The following SUPT20H variants were observed in gnomAD, a reference collection of about 807,000 sequenced individuals.
The protein encoded by SUPT20H is SPT20 homolog, SAGA complex component.
Under a neutral mutation model 122.8 loss-of-function variants are expected in SUPT20H, and 82 were observed. That is an observed-to-expected ratio of 0.67 (90% CI 0.56 to 0.80). SUPT20H has a LOEUF of 0.80. Among genes scored for constraint, SUPT20H ranks in the 30% least tolerant of loss-of-function variants. SUPT20H has a pLI of 0.00. For missense variants in SUPT20H, 831 were observed against 921.6 expected (o/e 0.90, Z 1.27); for synonymous variants, 291 against 313.0 (o/e 0.93, Z 0.74).
intron 23 of SUPT20H, chr13:37,012,725 G>C (rs1288674275): frequency 6.5e-6 from 1 of 153,464 alleles, no homozygotes; most frequent in Non-Finnish European, 1.4e-5. Flanking sequence ...CTGTCTATAT[G>C]GTAGAAAACC....
Position 37,009,761 on chromosome 13 carries a change from GTGC to G in SUPT20H, c.2248_2250del (p.Ala750del), listed in dbSNP as rs1413073870. On this transcript the variant is annotated inframe_deletion, in exon 26 of 26. Coordinates refer to ENST00000350612, the MANE Select transcript of SUPT20H (RefSeq NM_001014286.3). Reference sequence around the variant, plus strand: ...CGATGATGATGTAGCTGAGCTGTTTGTGCTGCTGCTGCTGCCATAGCCATTTGA... The same window carrying G: ...CGATGATGATGTAGCTGAGCTGTTTGTGCTGCTGCTGCCATAGCCATTTGA... 2.5e-6 allele frequency: 4 copies of G among 1,613,626 alleles called. No homozygotes were observed. The highest frequency in any genetic ancestry group is 1.3e-5 in the African/African-American group (1 of 75,000).
At chr13:37,017,221 T>C in intron 23 of SUPT20H, 24 bp downstream of exon 23, 1 of 1,613,928 alleles carries the variant, frequency 6.2e-7, no homozygotes, top group Non-Finnish European at 8.5e-7. Flanking sequence ...TGTAAAAGCA[T>C]ATGGAAGGCT....
rs754915980 is a variant in SUPT20H at position 37,024,126 on chromosome 13, C to G, written c.1500G>C (p.Lys500Asn). 1 of 1,613,676 alleles carries G rather than the reference C, an allele frequency of 6.2e-7. No individual in the cohort carries two copies. The highest frequency in any genetic ancestry group is 8.5e-7 in the Non-Finnish European group (1 of 1,179,766). The change falls in exon 19 of 26, where the codon AAG becomes AAC. Residue 500 changes from lysine to asparagine, a missense_variant. Transcript: ENST00000350612. ...LKSPTPPPSSKPSSIPRKSSV... is the reference protein window; with the variant it reads ...LKSPTPPPSSNPSSIPRKSSV... Reference sequence around the variant, plus strand: ...ATGATTTCCGAGGAATACTTGATGGCTTAGAAGAAGGAGGAGGAGTTGGAG... The same window carrying G: ...ATGATTTCCGAGGAATACTTGATGGGTTAGAAGAAGGAGGAGGAGTTGGAG...
At chr13:37,044,877 A>G (rs1473760215) in intron 6 of SUPT20H, among the ~76,000 whole-genome samples, 1 of 152,176 alleles carries the variant, frequency 6.6e-6, no homozygotes, top group Non-Finnish European at 1.5e-5. Context: ...GCTATCTTAA[A>G]ATATAAATAG....
At chr13:37,017,073 T>C (rs1363294377) in intron 23 of SUPT20H, among the ~76,000 whole-genome samples, 172 bp downstream of exon 23, 3 of 152,230 alleles carry the variant, frequency 2.0e-5, no homozygotes, top group Non-Finnish European at 2.9e-5. Context: ...CTATTCAGTA[T>C]GGTATGACTG....
chr13:37,033,953 C>G (rs775311283), intron 9 of SUPT20H, among the ~76,000 whole-genome samples: 1 of 152,082 alleles, frequency 6.6e-6, no homozygotes, highest in Non-Finnish European at 1.5e-5. Context: ...GTATCTCAAA[C>G]TTTTTCATTA....
chr13:37,019,768 T>C (rs1056964394), intron 21 of SUPT20H, among the ~76,000 whole-genome samples: 2 of 152,212 alleles, frequency 1.3e-5, no homozygotes, highest in Admixed American at 1.3e-4. Flanking sequence ...TTTACATTTC[T>C]CAATGCTACA....
At chr13:37,020,081 C>G (rs1313232020) in intron 21 of SUPT20H, among the ~76,000 whole-genome samples, 1 of 152,076 alleles carries the variant, frequency 6.6e-6, no homozygotes, top group Non-Finnish European at 1.5e-5. Flanking sequence ...ATGTAGTAAC[C>G]ATTTCTAGCT....
At chr13:37,028,127 C>A in intron 14 of SUPT20H, 21 bp downstream of exon 14, 1 of 1,519,446 alleles carries the variant, frequency 6.6e-7, no homozygotes, top group South Asian at 1.3e-5. Context: ...TTTCCAGTTA[C>A]TTGTATTTAA....
chr13:37,029,960 G>T (rs1268497655), intron 12 of SUPT20H, 124 bp from the exon 13 acceptor site: 1 of 665,338 alleles, frequency 1.5e-6, no homozygotes. Flanking sequence ...GTTAGCGCAA[G>T]AATTCTTAAA....
chr13:37,017,738 C>T (rs999435925), intron 22 of SUPT20H, among the ~76,000 whole-genome samples: 1 of 152,052 alleles, frequency 6.6e-6, no homozygotes, highest in African/African-American at 2.4e-5. Flanking sequence ...ATGTATACTA[C>T]GAAAAGCCAC....
At chr13:37,056,316 G>A (rs1272573099) in intron 1 of SUPT20H, among the ~76,000 whole-genome samples, 2 of 152,158 alleles carry the variant, frequency 1.3e-5, no homozygotes, top group Non-Finnish European at 1.5e-5. Flanking sequence ...ACATGCACAC[G>A]TATGTTTATT....
chr13:37,056,590 G>C (rs1407614852), intron 1 of SUPT20H, among the ~76,000 whole-genome samples: 1 of 151,738 alleles, frequency 6.6e-6, no homozygotes, highest in Non-Finnish European at 1.5e-5. Context: ...ACAGGAAGGG[G>C]AACTTCACAC....
intron 23 of SUPT20H, among the ~76,000 whole-genome samples, chr13:37,016,903 A>G (rs1215117230): frequency 1.8e-4 from 28 of 152,172 alleles, no homozygotes; most frequent in Admixed American, 1.8e-3. Flanking sequence ...ATAGCAACAA[A>G]ATCCTAAAAA....
chr13:37,057,702 A>G (rs2069448180), intron 1 of SUPT20H, among the ~76,000 whole-genome samples: 1 of 151,836 alleles, frequency 6.6e-6, no homozygotes, highest in Non-Finnish European at 1.5e-5. Context: ...GGCCGGGTGC[A>G]GTGGCTCACA....
At chr13:37,027,390 A>G (rs986440520) in intron 14 of SUPT20H, among the ~76,000 whole-genome samples, 20 of 152,108 alleles carry the variant, frequency 1.3e-4, no homozygotes, top group African/African-American at 4.6e-4. Flanking sequence ...TGGTCATGTG[A>G]AAAAACAAGC....
chr13:37,047,181 G>A (rs2066639067), intron 5 of SUPT20H: 2 of 155,782 alleles, frequency 1.3e-5, no homozygotes, highest in South Asian at 3.9e-4. Flanking sequence ...GAGAAAACAG[G>A]TTACTGCTAT....
intron 14 of SUPT20H, among the ~76,000 whole-genome samples, chr13:37,027,626 A>G (rs2062546031): frequency 6.6e-6 from 1 of 152,190 alleles, no homozygotes; most frequent in Non-Finnish European, 1.5e-5. Context: ...CCAAATAAAT[A>G]GTAAAACAAA....
At chr13:37,030,689 T>C (rs2063138520) in intron 12 of SUPT20H, among the ~76,000 whole-genome samples, 1 of 152,140 alleles carries the variant, frequency 6.6e-6, no homozygotes, top group African/African-American at 2.4e-5. Flanking sequence ...CTCCAGCTGA[T>C]TCGTAAGGAC....
Sources: allele counts gnomAD v4.1 joint callset (sites outside exome capture counted in the v4.1 genomes callset), GRCh38; gene constraint gnomAD v4.1.1; transcripts MANE v1.5; gene names NCBI Gene and HGNC (gene_info 2026-07-23, HGNC 2026-07-21).